Variants in HECW2 observed in about 807,000 individuals in gnomAD.
The protein encoded by HECW2 is E3 ubiquitin-protein ligase HECW2.
HECW2 carries 61 observed loss-of-function variants against 175.2 expected under a neutral mutation model. That is an observed-to-expected ratio of 0.35 (90% CI 0.28 to 0.43). The LOEUF is 0.43. Ranked by LOEUF, HECW2 falls within the 20% of genes least tolerant of loss-of-function variation. The probability of loss-of-function intolerance (pLI) is 1.00; values close to 1 mark genes in which losing one functional copy is unlikely to be tolerated. For missense variants in HECW2, 1,524 were observed against 2,000.5 expected (o/e 0.76, Z 4.54); for synonymous variants, 671 against 731.0 (o/e 0.92, Z 1.32).
chr2:196,223,918 T>TG (rs1687758798), intron 23 of HECW2, among the ~76,000 whole-genome samples: 1 of 152,116 alleles, frequency 6.6e-6, no homozygotes, highest in African/African-American at 2.4e-5. Flanking sequence ...ATGGTTTTAT[T>TG]GGGGGAGTAT....
At chr2:196,497,620 T>G (rs1474781215) in intron 1 of HECW2, among the ~76,000 whole-genome samples, 1 of 152,172 alleles carries the variant, frequency 6.6e-6, no homozygotes, top group Non-Finnish European at 1.5e-5. Context: ...CTCAGTCCCA[T>G]TCTCCCCACC....
chr2:196,539,690 CAT>C (rs1270766817), intron 1 of HECW2, among the ~76,000 whole-genome samples: 1 of 152,136 alleles, frequency 6.6e-6, no homozygotes, highest in African/African-American at 2.4e-5. Context: ...AGTAATCTCA[CAT>C]GAGGGTCCCT....
Position 196,503,446 on chromosome 2 carries a change from G to T in HECW2, c.-35-69988C>A, listed in dbSNP as rs117216361. ...GTTCATCTACAGGCAGAGGTAGATT[G>T]TTCAGTGTCAGTCAAGAGCCGCATT... On this transcript the variant is annotated intron_variant, in intron 1 of 28. Coordinates refer to ENST00000644978, the MANE Select transcript of HECW2 (RefSeq NM_001348768.2). Among the ~76,000 whole-genome samples the T allele has an allele frequency of 8.7e-4, 132 of 152,268 alleles. 2 individuals are homozygous for T. The East Asian group carries it at 0.023, about 26-fold the overall frequency.
At chr2:196,452,933 G>A (rs1696390088) in intron 1 of HECW2, among the ~76,000 whole-genome samples, 1 of 152,050 alleles carries the variant, frequency 6.6e-6, no homozygotes, top group African/African-American at 2.4e-5. Flanking sequence ...TACAAAAAAT[G>A]AGACTAAACC....
chr2:196,397,484 G>C (rs1181038815), intron 2 of HECW2, among the ~76,000 whole-genome samples: 1 of 152,152 alleles, frequency 6.6e-6, no homozygotes, highest in Non-Finnish European at 1.5e-5. Context: ...ATTCTTTTTG[G>C]GGTGAAGGCA....
intron 12 of HECW2, among the ~76,000 whole-genome samples, 159 bp from the exon 13 acceptor site, chr2:196,306,771 C>T (rs1248678660): frequency 6.6e-6 from 1 of 152,194 alleles, no homozygotes; most frequent in Non-Finnish European, 1.5e-5. Flanking sequence ...TAAATTCATA[C>T]ATAAAACATG....
chr2:196,271,652 C>T (rs1294490209), intron 16 of HECW2, among the ~76,000 whole-genome samples: 1 of 152,066 alleles, frequency 6.6e-6, no homozygotes, highest in African/African-American at 2.4e-5. Flanking sequence ...CGCCTGTAAC[C>T]CCAGCACTTT....
chr2:196,378,481 A>T (rs532405545), intron 2 of HECW2, among the ~76,000 whole-genome samples: 1 of 152,312 alleles, frequency 6.6e-6, no homozygotes, highest in East Asian at 1.9e-4. Flanking sequence ...AATTCATTAG[A>T]ACACATGAAA....
rs143045097 is a variant in HECW2, at chr2:196,437,232, A to AG, written c.-35-3775dup. 4.5e-3 allele frequency among the ~76,000 whole-genome samples: 678 copies of AG among 152,260 alleles called. 7 individuals are homozygous for AG. The highest frequency in any genetic ancestry group is 0.015 in the African/African-American group (636 of 41,540). On this transcript the variant is annotated intron_variant, in intron 1 of 28. Transcript: ENST00000644978. The stretch of plus-strand genomic sequence containing the variant: ...AAGCATGGATACAAAGAAACTACCA[A>AG]GGAAGAGTACTGGGAGGCGGAGAAG...
intron 1 of HECW2, among the ~76,000 whole-genome samples, chr2:196,483,354 T>C (rs1000070155): frequency 4.6e-5 from 7 of 152,242 alleles, no homozygotes; most frequent in Admixed American, 2.6e-4. Context: ...GAATGAAGAC[T>C]GCTCACTGAA....
rs531920307 is a variant in HECW2, at chr2:196,278,133, A to AAAAAAAAAAAATATATATATAT, written c.3135+394_3135+395insATATATATATATTTTTTTTTTT. On this transcript the variant is annotated intron_variant, in intron 15 of 28. Transcript: ENST00000644978. ...CCTAGAACTTAAAGTATAATTAAAA[A>AAAAAAAAAAAATATATATATAT]ATATATATATATATATATAAAGAAA... 2.3e-3 allele frequency among the ~76,000 whole-genome samples: 150 copies of AAAAAAAAAAAATATATATATAT among 66,536 alleles called. 3 individuals are homozygous for AAAAAAAAAAAATATATATATAT. The highest frequency in any genetic ancestry group is 5.9e-3 in the African/African-American group (144 of 24,292). 43.7% of individuals were successfully genotyped at this position (66,536 alleles called of 152,430 possible).
At chr2:196,486,507 A>G (rs1177313392) in intron 1 of HECW2, among the ~76,000 whole-genome samples, 2 of 152,186 alleles carry the variant, frequency 1.3e-5, no homozygotes, top group African/African-American at 4.8e-5. Context: ...TTATTCCAGC[A>G]TTATACACAG....
chr2:196,343,281 T>C (rs1692829947), intron 3 of HECW2, among the ~76,000 whole-genome samples: 1 of 152,314 alleles, frequency 6.6e-6, no homozygotes, highest in East Asian at 1.9e-4. Context: ...TTATAATACC[T>C]AACATAAATG....
At chr2:196,431,239 T>C (rs756272450) in intron 2 of HECW2, among the ~76,000 whole-genome samples, 6 of 152,202 alleles carry the variant, frequency 3.9e-5, no homozygotes, top group Non-Finnish European at 5.9e-5. Context: ...CTTCTTCCTC[T>C]AGAAAGTAAA....
chr2:196,587,449 T>A (rs1313220003), intron 1 of HECW2, among the ~76,000 whole-genome samples: 1 of 152,236 alleles, frequency 6.6e-6, no homozygotes, highest in Admixed American at 6.5e-5. Context: ...CTTGTCTCTA[T>A]ACATACATAT....
At chr2:196,341,052 T>C (rs528904719) in intron 3 of HECW2, among the ~76,000 whole-genome samples, 3 of 152,308 alleles carry the variant, frequency 2.0e-5, no homozygotes, top group African/African-American at 4.8e-5. Context: ...TATTTAACTA[T>C]AGCCTAATCA....
chr2:196,217,089 G>A lies in HECW2; in HGVS notation c.4413C>T (p.Tyr1471=). Residue 1471 remains tyrosine (Y), a synonymous_variant, in exon 27 of 29, where the codon TAC becomes TAT. Transcript: ENST00000644978. ...ACCGAATTACAATATGATTGTCATG[G>A]TATCCTATCAAACCAATCATAAAAG... ...WRNNTEYRGG[Y]HDNHIVIRWF... 1.3e-6 allele frequency: 2 copies of A among 1,586,684 alleles called. No individual in the cohort carries two copies. Among genetic ancestry groups the A allele is most frequent in the Admixed American group, 1.8e-5 (1 of 54,728 alleles).
chr2:196,448,809 G>C (rs55744387), intron 1 of HECW2, among the ~76,000 whole-genome samples: 1,660 of 152,320 alleles, frequency 0.011, 33 homozygotes, highest in African/African-American at 0.037. Flanking sequence ...TCGTTGATAA[G>C]CAGGCATAAT....
intron 1 of HECW2, among the ~76,000 whole-genome samples, chr2:196,447,736 A>C (rs1477965175): frequency 1.3e-5 from 2 of 152,158 alleles, no homozygotes; most frequent in Admixed American, 6.5e-5. Flanking sequence ...TTCTTGAAAA[A>C]AATGAATTAT....
Sources: gnomAD v4.1 joint callset for allele counts (sites outside exome capture counted in the v4.1 genomes callset) on GRCh38, gnomAD v4.1.1 for gene constraint, MANE v1.5 for transcripts, NCBI Gene and HGNC (gene_info 2026-07-23, HGNC 2026-07-21) for gene names.